The following TMPRSS2 variants were observed in gnomAD, a reference collection of about 807,000 sequenced individuals.
The protein encoded by TMPRSS2 is transmembrane protease serine 2.
Under a neutral mutation model 67.4 loss-of-function variants are expected in TMPRSS2, and 59 were observed. That is an observed-to-expected ratio of 0.88 (90% CI 0.71 to 1.09). The LOEUF (loss-of-function observed/expected upper bound fraction) is 1.09. Among genes scored for constraint, TMPRSS2 ranks in the 50% least tolerant of loss-of-function variants. The pLI, the probability that TMPRSS2 is intolerant of heterozygous loss-of-function variation, is 0.00. For missense variants in TMPRSS2, 668 were observed against 642.7 expected (o/e 1.04, Z -0.43); for synonymous variants, 257 against 257.0 (o/e 1.00, Z 0.00).
Position 41,466,081 on chromosome 21 carries a change from G to C in TMPRSS2, c.*61C>G. 2 of 1,599,496 alleles carry C rather than the reference G, an allele frequency of 1.3e-6. No individual in the cohort carries two copies. Among genetic ancestry groups the C allele is most frequent in the Non-Finnish European group, 1.7e-6 (2 of 1,168,194 alleles). ...TCTCTAAGAGTAAATCATGCACGGGGAAGCAAAACCAGCCCCATTGTTTTC... is the reference window on the plus strand; with the variant it reads ...TCTCTAAGAGTAAATCATGCACGGGCAAGCAAAACCAGCCCCATTGTTTTC... On this transcript the variant is annotated 3_prime_UTR_variant, in exon 14 of 14. Transcript: ENST00000332149.
At chr21:41,476,463 C>T (rs999713595) in intron 8 of TMPRSS2, 114 bp downstream of exon 8, 64 of 1,082,168 alleles carry the variant, frequency 5.9e-5, no homozygotes, top group Middle Eastern at 4.0e-4. Flanking sequence ...CATTCCAACC[C>T]GTGACCCCAC....
At chr21:41,468,272 G>T in intron 12 of TMPRSS2, 124 bp downstream of exon 12, 1 of 1,284,830 alleles carries the variant, frequency 7.8e-7, no homozygotes, top group Non-Finnish European at 1.1e-6. Flanking sequence ...CACTTCCCAT[G>T]ACTGCCCCGA....
At chr21:41,500,184 C>T (rs2091414685) in intron 1 of TMPRSS2, among the ~76,000 whole-genome samples, 1 of 152,238 alleles carries the variant, frequency 6.6e-6, no homozygotes, top group African/African-American at 2.4e-5. Context: ...GGTTCTGTGC[C>T]TCAGTTTCCC....
chr21:41,467,778 C>G lies in TMPRSS2; in HGVS notation c.1423G>C (p.Gly475Arg). The change falls in exon 13 of 14, where the codon GGG (glycine) becomes CGG (arginine). Residue 475 changes from glycine to arginine, a missense_variant. Coordinates refer to ENST00000332149, the MANE Select transcript of TMPRSS2 (RefSeq NM_005656.4). ...CAKAYRPGVYGNVMVFTDWIY... is the reference protein window; with the variant it reads ...CAKAYRPGVYRNVMVFTDWIY... ...CAGTCCGTGAATACCATCACATTCC[C>G]GTACACTCCTGGTCTGTAAGCTTTG... 3 of 1,614,212 alleles carry G rather than the reference C, an allele frequency of 1.9e-6. No homozygotes were observed.
In TMPRSS2 at chr21:41,489,562, G is replaced by T. The variant is rs2091321134; in HGVS notation, c.270C>A (p.Thr90=). 6.2e-7 allele frequency: 1 copy of T among 1,613,986 alleles called. No individual in the cohort carries two copies. Among genetic ancestry groups the T allele is most frequent in the African/African-American group, 1.3e-5 (1 of 74,908 alleles). The part of the protein sequence containing the change: ...KTKKALCITL[T]LGTFLVGAAL... ...CAGCTCCCACGAGGAAGGTCCCCAG[G>T]GTCAAGGTGATGCACAGTGCTTTCT... The change falls in exon 4 of 14, where the codon ACC becomes ACA. Residue 90 remains threonine, a synonymous_variant. Coordinates refer to ENST00000332149, the MANE Select transcript of TMPRSS2 (RefSeq NM_005656.4).
chr21:41,470,117 C>T (rs1397633151), intron 11 of TMPRSS2, among the ~76,000 whole-genome samples: 3 of 152,218 alleles, frequency 2.0e-5, no homozygotes, highest in African/African-American at 7.2e-5. Flanking sequence ...TGCCACTAAG[C>T]ACTTCCAACC....
chr21:41,488,263 C>G, intron 5 of TMPRSS2, 131 bp downstream of exon 5: 2 of 1,105,732 alleles, frequency 1.8e-6, no homozygotes, highest in Non-Finnish European at 2.5e-6. Flanking sequence ...CAGCCTGGAG[C>G]AGGGATTCAA....
At chr21:41,472,057 A>G in intron 9 of TMPRSS2, 76 bp from the exon 10 acceptor site, 3 of 1,416,702 alleles carry the variant, frequency 2.1e-6, no homozygotes, top group Non-Finnish European at 2.8e-6. Flanking sequence ...CAACGTCAGA[A>G]GCTGGAGGCA....
Position 41,494,458 on chromosome 21 carries a change from G to C in TMPRSS2, c.136C>G (p.Pro46Ala), listed in dbSNP as rs749752988. The C allele has an allele frequency of 1.9e-6, 3 of 1,613,912 alleles. No homozygotes were observed. The African/African-American group carries it at 4.0e-5, about 22-fold the overall frequency. ...GGGGCGTACTGGGGCACGGGGGACGGGTAGTACTGAGCCGGATGCACCTCG... is the reference window on the plus strand; with the variant it reads ...GGGGCGTACTGGGGCACGGGGGACGCGTAGTACTGAGCCGGATGCACCTCG... ...VYEVHPAQYY[P>A]SPVPQYAPRV... Residue 46 changes from proline (P) to alanine (A), a missense_variant, in exon 3 of 14, where the codon CCG becomes GCG. Coordinates refer to ENST00000332149, the MANE Select transcript of TMPRSS2 (RefSeq NM_005656.4).
rs993770004 is a variant in TMPRSS2 at position 41,502,096 on chromosome 21, A to G, written c.-56-3907T>C. Reference sequence around the variant, plus strand: ...AGCTGTCCTCGCACTGTTTTGGTCCATCCTGGACTGAGAGCTGAGTCAGCC... The same window carrying G: ...AGCTGTCCTCGCACTGTTTTGGTCCGTCCTGGACTGAGAGCTGAGTCAGCC... On this transcript the variant is annotated intron_variant, in intron 1 of 13. Coordinates refer to ENST00000332149, the MANE Select transcript of TMPRSS2 (RefSeq NM_005656.4). Among the ~76,000 whole-genome samples, 8 of 152,212 alleles carry G rather than the reference A, an allele frequency of 5.3e-5. No homozygotes were observed. The East Asian group carries it at 1.5e-3, about 29-fold the overall frequency.
At chr21:41,485,788 T>C (rs2257202) in intron 5 of TMPRSS2, among the ~76,000 whole-genome samples, 31,307 of 152,152 alleles carry the variant, frequency 0.21, 3,499 homozygotes, top group Middle Eastern at 0.33. Context: ...AATCAGCAAA[T>C]GCATCATTTT....
At chr21:41,477,908 G>C (rs541793866) in intron 7 of TMPRSS2, among the ~76,000 whole-genome samples, 21 of 152,062 alleles carry the variant, frequency 1.4e-4, no homozygotes, top group Admixed American at 3.3e-4. Context: ...AGATAGAATA[G>C]AGCCTACCAG....
rs145570856 is a variant in TMPRSS2, at chr21:41,491,367, G to A, written c.239-1774C>T. The stretch of plus-strand genomic sequence containing the variant: ...TCACCATGTTTCCCAGGCTGGTCTC[G>A]AACTCCTGGGCCCAAGTGATCCACT... On this transcript the variant is annotated intron_variant, in intron 3 of 13. Transcript: ENST00000332149. Among the ~76,000 whole-genome samples the A allele has an allele frequency of 6.7e-3, 1,019 of 152,046 alleles. 11 individuals carry two copies. The highest frequency in any genetic ancestry group is 0.023 in the African/African-American group (960 of 41,464).
At chr21:41,502,043 C>T (rs762068843) in intron 1 of TMPRSS2, among the ~76,000 whole-genome samples, 1 of 152,198 alleles carries the variant, frequency 6.6e-6, no homozygotes, top group South Asian at 2.1e-4. Context: ...CAGACAGTGT[C>T]ACCCACTTGA....
intron 11 of TMPRSS2, 54 bp from the exon 12 acceptor site, chr21:41,468,592 G>A (rs2091104424): frequency 9.4e-6 from 15 of 1,599,642 alleles, no homozygotes; most frequent in Non-Finnish European, 8.5e-7. Context: ...CTCTCGCAGG[G>A]AGAGCACACT....
At chr21:41,473,236 G>A (rs565973484) in intron 9 of TMPRSS2, 89 bp downstream of exon 9, 532 of 1,389,362 alleles carry the variant, frequency 3.8e-4, no homozygotes, top group Non-Finnish European at 4.6e-4. Flanking sequence ...AGGATGCCGG[G>A]GCTGCAAGGG....
At chr21:41,477,182 C>G (rs2091221226) in intron 7 of TMPRSS2, among the ~76,000 whole-genome samples, 1 of 152,144 alleles carries the variant, frequency 6.6e-6, no homozygotes. Context: ...AGACGCGGCC[C>G]CTGGCATGCA....
chr21:41,488,733 G>A (rs2091315323), intron 4 of TMPRSS2, among the ~76,000 whole-genome samples: 1 of 152,198 alleles, frequency 6.6e-6, no homozygotes, highest in African/African-American at 2.4e-5. Flanking sequence ...CAACTCCTGG[G>A]TTCAAGTGAT....
intron 6 of TMPRSS2, 50 bp from the exon 7 acceptor site, chr21:41,479,332 C>T: frequency 1.5e-6 from 2 of 1,378,032 alleles, no homozygotes; most frequent in South Asian, 1.2e-5. Flanking sequence ...TAAGCAAACA[C>T]AAATCCTATA....
Sources: allele counts gnomAD v4.1 joint callset (sites outside exome capture counted in the v4.1 genomes callset), GRCh38; gene constraint gnomAD v4.1.1; transcripts MANE v1.5; gene names NCBI Gene and HGNC (gene_info 2026-07-23, HGNC 2026-07-21).